APBA2: variants seen among roughly 807,000 people sequenced by gnomAD.
APBA2 encodes amyloid-beta A4 precursor protein-binding family A member 2.
APBA2 carries 30 observed loss-of-function variants against 75.0 expected under a neutral mutation model. The ratio of observed to expected loss-of-function variants is 0.40; its 90% confidence interval spans 0.30 to 0.54. APBA2 has a LOEUF of 0.54. Ranked by LOEUF, APBA2 falls within the 20% of genes least tolerant of loss-of-function variation. APBA2 has a pLI of 0.49. For missense variants in APBA2, 801 were observed against 1,016.1 expected (o/e 0.79, Z 2.88); for synonymous variants, 444 against 409.6 (o/e 1.08, Z -1.01).
intron 1 of APBA2, among the ~76,000 whole-genome samples, chr15:28,915,520 C>T (rs2033650256): frequency 6.6e-6 from 1 of 150,600 alleles, no homozygotes; most frequent in South Asian, 2.1e-4. Flanking sequence ...TACCACACAC[C>T]ACACACACCC....
rs111870710 is a variant in APBA2, at chr15:29,054,502, C to T, written c.618C>T (p.Gly206=). Residue 206 remains glycine, a synonymous_variant, in exon 4 of 15, where the codon GGC becomes GGT. Coordinates refer to ENST00000683413, the MANE Select transcript of APBA2 (RefSeq NM_001353788.2). The surrounding 1 kb of genome is among the most constrained non-coding windows in gnomAD (Gnocchi z 6.1). The part of the protein sequence containing the change: ...YYPEEANGNT[G]ASPYRLRRGD... Reference sequence around the variant, plus strand: ...CCGAGGAGGCCAACGGGAACACCGGCGCCTCCCCCTACCGCCTGAGGCGTG... The same window carrying T: ...CCGAGGAGGCCAACGGGAACACCGGTGCCTCCCCCTACCGCCTGAGGCGTG... 991 of 1,613,596 alleles carry T rather than the reference C, an allele frequency of 6.1e-4. 6 individuals are homozygous for T. The African/African-American group carries it at 0.011, about 19-fold the overall frequency.
intron 3 of APBA2, among the ~76,000 whole-genome samples, chr15:29,019,112 A>G (rs1324883372): frequency 6.6e-6 from 1 of 152,194 alleles, no homozygotes; most frequent in Non-Finnish European, 1.5e-5. Flanking sequence ...GGAAAAAAGT[A>G]AGCAGAGGAC....
intron 4 of APBA2, among the ~76,000 whole-genome samples, chr15:29,060,715 A>G (rs1456670407): frequency 6.6e-6 from 1 of 152,224 alleles, no homozygotes; most frequent in African/African-American, 2.4e-5. Context: ...CCACAGATCA[A>G]ACAAGTCAAG....
chr15:28,920,201 C>T (rs1024005139), intron 1 of APBA2, among the ~76,000 whole-genome samples: 2 of 152,196 alleles, frequency 1.3e-5, no homozygotes, highest in African/African-American at 2.4e-5. Flanking sequence ...CCCTAGAATT[C>T]AGAGATGCCT....
chr15:29,067,050 G>A (rs554983539), intron 4 of APBA2, among the ~76,000 whole-genome samples: 1 of 152,232 alleles, frequency 6.6e-6, no homozygotes, highest in East Asian at 1.9e-4. Flanking sequence ...GGGAGCAAGA[G>A]AGAGAGTGGG....
Position 29,046,815 on chromosome 15 carries a change from G to A in APBA2, c.-40-7030G>A, listed in dbSNP as rs778458907. The stretch of plus-strand genomic sequence containing the variant: ...AAGATGCACCCATATCCCACTGCAG[G>A]GATGCAATTTGCATACATAGCCAGG... On this transcript the variant is annotated intron_variant, in intron 3 of 14. Coordinates refer to ENST00000683413, the MANE Select transcript of APBA2 (RefSeq NM_001353788.2). This position sits in a 1 kb window ranked among gnomAD's most constrained non-coding sequence, Gnocchi z 5.0. Among the ~76,000 whole-genome samples the A allele has an allele frequency of 6.6e-6, 1 of 152,150 alleles. No homozygotes were observed. Among genetic ancestry groups the A allele is most frequent in the Non-Finnish European group, 1.5e-5 (1 of 68,034 alleles).
At chr15:28,931,923 G>T (rs940391359) in intron 2 of APBA2, among the ~76,000 whole-genome samples, 2 of 152,204 alleles carry the variant, frequency 1.3e-5, no homozygotes, top group Admixed American at 1.3e-4. Context: ...AGGTCCCTGC[G>T]TGTGAGCCTT....
rs1292071328 is a variant in APBA2, at chr15:29,012,251, C to A, written c.-41+16445C>A. Among the ~76,000 whole-genome samples, 6 of 152,262 alleles carry A rather than the reference C, an allele frequency of 3.9e-5. No individual in the cohort carries two copies. In the South Asian group the frequency reaches 1.2e-3, roughly 32 times the overall value. On this transcript the variant is annotated intron_variant, in intron 3 of 14. Transcript: ENST00000683413. ...TTCAGTTATTATGTCGCTTTAGGTT[C>A]TTTTAGACTGTGACAGTTCCTCTGA...
intron 12 of APBA2, among the ~76,000 whole-genome samples, chr15:29,107,665 G>T (rs8032093): frequency 0.016 from 2,467 of 152,260 alleles, 52 homozygotes; most frequent in African/African-American, 0.057. Flanking sequence ...AGAGGGCTCA[G>T]CAGTTGAGGC....
intron 2 of APBA2, among the ~76,000 whole-genome samples, chr15:28,943,320 G>A (rs1294955145): frequency 3.9e-5 from 6 of 152,172 alleles, no homozygotes; most frequent in Admixed American, 3.9e-4. Context: ...ACGTGCCATG[G>A]ATCAGAGCTG....
chr15:29,042,731 A>C (rs2041112786), intron 3 of APBA2, among the ~76,000 whole-genome samples: 1 of 152,112 alleles, frequency 6.6e-6, no homozygotes, highest in South Asian at 2.1e-4. Flanking sequence ...TCACAGGGCA[A>C]CAAGCAGAAG....
chr15:29,075,064 C>A, intron 5 of APBA2, 63 bp downstream of exon 5: 1 of 1,197,672 alleles, frequency 8.3e-7, no homozygotes, highest in Non-Finnish European at 1.2e-6. Flanking sequence ...GAGTGGCCCA[C>A]CGAGTTGTGG....
chr15:28,885,982 CGGCGCGGGTGAGGCGGAAGCGGCCGG>C lies in APBA2; in HGVS notation c.-496_-471del, dbSNP rs2031680369. 6.6e-6 allele frequency: 1 copy of C among 151,152 alleles called. No homozygotes were observed. Among genetic ancestry groups the C allele is most frequent in the African/African-American group, 2.4e-5 (1 of 41,310 alleles). The allele number at this position is 151,152 out of a possible 1,614,324, so 9.4% of individuals were successfully genotyped here. Reference sequence around the variant, plus strand: ...AATCGTTTTCCGGCCCCAGTGTGCCCGGCGCGGGTGAGGCGGAAGCGGCCGGGGCGGGGGCGCAGGCCCGGCAGCCG... The same window carrying C: ...AATCGTTTTCCGGCCCCAGTGTGCCCGGCGGGGGCGCAGGCCCGGCAGCCG... On this transcript the variant is annotated 5_prime_UTR_variant, in exon 1 of 15. Coordinates refer to ENST00000683413, the MANE Select transcript of APBA2 (RefSeq NM_001353788.2).
chr15:29,012,964 A>C (rs145590350), intron 3 of APBA2, among the ~76,000 whole-genome samples: 117 of 152,212 alleles, frequency 7.7e-4, no homozygotes, highest in African/African-American at 2.7e-3. Flanking sequence ...TTTCTGGGTA[A>C]TTATCTACTT....
intron 1 of APBA2, among the ~76,000 whole-genome samples, chr15:28,909,257 T>C (rs144908134): frequency 0.067 from 10,164 of 152,220 alleles, 1,040 homozygotes; most frequent in African/African-American, 0.22. Context: ...CCCAAAGTGC[T>C]GGGATTACAG....
At chr15:28,901,907 G>GGTGTGTGTGTGTGT (rs1298489682) in intron 1 of APBA2, among the ~76,000 whole-genome samples, 1 of 15,904 alleles carries the variant, frequency 6.3e-5, no homozygotes, top group Non-Finnish European at 1.2e-4. Flanking sequence ...GGGAGCTTTT[G>GGTGTGTGTGTGTGT]ATGTGTGTGT....
intron 4 of APBA2, among the ~76,000 whole-genome samples, chr15:29,073,075 C>T (rs1049929803): frequency 2.0e-5 from 3 of 152,214 alleles, no homozygotes; most frequent in South Asian, 2.1e-4. Context: ...ACCTGGGGCA[C>T]GGCATATCTG....
At chr15:28,973,942 A>G (rs1177665763) in intron 2 of APBA2, among the ~76,000 whole-genome samples, 3 of 152,242 alleles carry the variant, frequency 2.0e-5, no homozygotes, top group Non-Finnish European at 4.4e-5. Context: ...CATATAGTGA[A>G]ATACACACGG....
chr15:28,912,915 A>AT (rs1193721851), intron 1 of APBA2, among the ~76,000 whole-genome samples: 1 of 152,258 alleles, frequency 6.6e-6, no homozygotes, highest in Non-Finnish European at 1.5e-5. Flanking sequence ...TTCATTCATC[A>AT]TTCAGCAAAT....
Sources: allele counts gnomAD v4.1 joint callset (sites outside exome capture counted in the v4.1 genomes callset), GRCh38; gene constraint gnomAD v4.1.1; non-coding constraint Gnocchi (gnomAD v3.1); transcripts MANE v1.5; gene names NCBI Gene and HGNC (gene_info 2026-07-23, HGNC 2026-07-21).